Variants in TTC39B observed in about 807,000 individuals in gnomAD.
The protein encoded by TTC39B is tetratricopeptide repeat protein 39B.
Under a neutral mutation model 96.6 loss-of-function variants are expected in TTC39B, and 92 were observed. The ratio of observed to expected loss-of-function variants is 0.95; its 90% CI spans 0.80 to 1.13. TTC39B has a LOEUF of 1.13. TTC39B is among the 50% of genes most tolerant of loss of function. The pLI is 0.00. For missense variants in TTC39B, 955 were observed against 809.3 expected (o/e 1.18, Z -2.18); for synonymous variants, 367 against 299.4 (o/e 1.23, Z -2.33).
intron 15 of TTC39B, chr9:15,186,706 T>C (rs1328383151): frequency 5.5e-6 from 2 of 361,910 alleles, no homozygotes; most frequent in East Asian, 4.7e-5. Context: ...TGGTTTTTTT[T>C]TGGAGACAGA....
exon 10 of TTC39B, chr9:15,191,252 G>T: frequency 6.2e-7 from 1 of 1,606,984 alleles, no homozygotes; most frequent in African/African-American, 1.3e-5. Context: ...AAAAGGGACA[G>T]CATCTGTAAG....
exon 20 of TTC39B, chr9:15,169,344 C>T (rs182421733): frequency 3.7e-4 from 57 of 152,234 alleles, no homozygotes; most frequent in Admixed American, 1.4e-3. Flanking sequence ...CCTTTCATTC[C>T]TTGTCAGGGG....
intron 2 of TTC39B, among the ~76,000 whole-genome samples, chr9:15,230,742 T>TG (rs1328308155): frequency 6.6e-6 from 1 of 152,156 alleles, no homozygotes; most frequent in Non-Finnish European, 1.5e-5. Flanking sequence ...AGCAGGACTT[T>TG]GGGAGGCCGA....
chr9:15,285,867 A>C (rs1823958385), intron 1 of TTC39B, among the ~76,000 whole-genome samples: 1 of 152,218 alleles, frequency 6.6e-6, no homozygotes, highest in African/African-American at 2.4e-5. Flanking sequence ...AAAAAAAAGA[A>C]TATACAAAGG....
At chr9:15,231,885 A>C (rs1821441619) in intron 2 of TTC39B, among the ~76,000 whole-genome samples, 1 of 152,166 alleles carries the variant, frequency 6.6e-6, no homozygotes, top group East Asian at 1.9e-4. Context: ...TCTGGAAGCC[A>C]CCATGTTTGT....
chr9:15,183,291 T>A (rs1250323687), intron 16 of TTC39B: 1 of 408,994 alleles, frequency 2.4e-6, no homozygotes, highest in Admixed American at 3.3e-5. Flanking sequence ...ATTTTACATG[T>A]AACAATTTAT....
At chr9:15,297,625 C>A (rs1041361127) in intron 1 of TTC39B, among the ~76,000 whole-genome samples, 1 of 152,186 alleles carries the variant, frequency 6.6e-6, no homozygotes, top group South Asian at 2.1e-4. Context: ...TCTTACCCAT[C>A]ATGTTGCCTT....
Position 15,215,535 on chromosome 9 carries a change from C to T in TTC39B, c.372-1286G>A, listed in dbSNP as rs531554296. Among the ~76,000 whole-genome samples the T allele has an allele frequency of 4.9e-4, 74 of 151,364 alleles. No individual in the cohort carries two copies. The South Asian group carries it at 0.012, about 25-fold the overall frequency. On this transcript the variant is annotated intron_variant, in intron 3 of 19. Transcript: ENST00000512701. ...TTGCACCACTGTACTCCAGCCTGGG[C>T]GACAAGAGTGAAACTCCATCTCAAA...
intron 13 of TTC39B, 72 bp from the exon 14 acceptor site, chr9:15,188,204 A>C (rs1294325381): frequency 2.1e-6 from 3 of 1,458,930 alleles, no homozygotes; most frequent in Non-Finnish European, 2.8e-6. Context: ...GGAAAAATAC[A>C]TAAAACACTT....
At chr9:15,207,038 T>A (rs1819903106) in intron 6 of TTC39B, among the ~76,000 whole-genome samples, 1 of 152,184 alleles carries the variant, frequency 6.6e-6, no homozygotes, top group African/African-American at 2.4e-5. Context: ...TACACGCACT[T>A]CTCCTTCCTG....
chr9:15,208,604 G>A (rs1322302050), intron 6 of TTC39B, among the ~76,000 whole-genome samples: 1 of 152,164 alleles, frequency 6.6e-6, no homozygotes, highest in Non-Finnish European at 1.5e-5. Flanking sequence ...TGGAAAATAT[G>A]CAGACACATT....
At chr9:15,214,031 T>C in intron 4 of TTC39B, 108 bp downstream of exon 4, 1 of 769,666 alleles carries the variant, frequency 1.3e-6, no homozygotes. Context: ...CTAAATTAGC[T>C]TATCAATATT....
In TTC39B at chr9:15,172,089, G is replaced by GAGTA; in HGVS notation, c.1975_1978dup (p.Ser660LeufsTer29). On this transcript the variant is annotated frameshift_variant, in exon 20 of 20. Transcript: ENST00000512701. LOFTEE classifies it high-confidence loss of function. ...TCTGAAGTGTAGTCTGGACTCCAGG[G>GAGTA]AGTAATCTTTGTAGTTGTTCCTGAA... The GAGTA allele has an allele frequency of 6.2e-7, 1 of 1,612,396 alleles. No homozygotes were observed. Among genetic ancestry groups the GAGTA allele is most frequent in the East Asian group, 2.2e-5 (1 of 44,812 alleles).
chr9:15,225,169 G>C (rs1000406574), intron 3 of TTC39B, among the ~76,000 whole-genome samples: 2 of 151,892 alleles, frequency 1.3e-5, no homozygotes, highest in African/African-American at 2.4e-5. Flanking sequence ...TGATACCACA[G>C]AAAAATATCT....
chr9:15,237,403 T>A (rs1183099161), intron 2 of TTC39B, among the ~76,000 whole-genome samples: 1 of 151,236 alleles, frequency 6.6e-6, no homozygotes, highest in Non-Finnish European at 1.5e-5. Flanking sequence ...ACCAAGAAAA[T>A]AAAAGAGAAG....
chr9:15,224,873 T>C (rs1022696606), intron 3 of TTC39B, among the ~76,000 whole-genome samples: 2 of 152,206 alleles, frequency 1.3e-5, no homozygotes, highest in Non-Finnish European at 2.9e-5. Context: ...ACCTTTTCTA[T>C]ATATTGCGAG....
chr9:15,271,521 C>A (rs1387405893), intron 1 of TTC39B, among the ~76,000 whole-genome samples: 3 of 152,116 alleles, frequency 2.0e-5, no homozygotes, highest in African/African-American at 7.2e-5. Flanking sequence ...GAGTGCGCAA[C>A]CTAGATCACT....
chr9:15,177,498 A>G (rs892656265), intron 18 of TTC39B, among the ~76,000 whole-genome samples, 199 bp downstream of exon 18: 3 of 152,216 alleles, frequency 2.0e-5, no homozygotes, highest in African/African-American at 2.4e-5. Context: ...TCAAGTAGAA[A>G]TACATAAAGT....
At chr9:15,210,579 CCTT>C (rs1820137587) in intron 5 of TTC39B, among the ~76,000 whole-genome samples, 1 of 152,150 alleles carries the variant, frequency 6.6e-6, no homozygotes, top group South Asian at 2.1e-4. Context: ...CCCATGTTAA[CCTT>C]CTGATCATGA....
Sources: gnomAD v4.1 joint callset for allele counts (sites outside exome capture counted in the v4.1 genomes callset) on GRCh38, gnomAD v4.1.1 for gene constraint, MANE v1.5 for transcripts, NCBI Gene and HGNC (gene_info 2026-07-23, HGNC 2026-07-21) for gene names.